NDUFA5: variants seen among roughly 807,000 people sequenced by gnomAD.
NDUFA5 encodes the protein NADH:ubiquinone oxidoreductase subunit A5.
A neutral mutation model predicts 19.8 loss-of-function variants in NDUFA5; 11 were observed. That is an observed-to-expected ratio of 0.56 (90% confidence interval 0.35 to 0.92). NDUFA5 has a LOEUF of 0.92. Among genes scored for constraint, NDUFA5 ranks in the 40% least tolerant of loss-of-function variants. The pLI is 0.01. For missense variants in NDUFA5, 109 were observed against 134.2 expected (o/e 0.81, Z 0.93); for synonymous variants, 47 against 46.8 (o/e 1.00, Z -0.01).
the NDUFA5 span, chr7:123,596,401 T>C: frequency 6.6e-5 from 10 of 151,588 alleles, no homozygotes; most frequent in African/African-American, 2.4e-4. Flanking sequence ...AACTCAGGAG[T>C]TTGAAACCAG....
the NDUFA5 span, among the ~76,000 whole-genome samples, chr7:123,570,004 C>T: frequency 6.7e-6 from 1 of 149,640 alleles, no homozygotes. Flanking sequence ...TCAACAATAC[C>T]TAAAGTTTAC....
At chr7:123,586,553 A>T in the NDUFA5 span, among the ~76,000 whole-genome samples, 1 of 151,590 alleles carries the variant, frequency 6.6e-6, no homozygotes, top group Non-Finnish European at 1.5e-5. Flanking sequence ...AACTTTTAAA[A>T]TTTGATTTGC....
intron 2 of NDUFA5, 113 bp from the exon 3 acceptor site, chr7:123,550,699 C>CTT: frequency 3.4e-5 from 16 of 469,536 alleles, no homozygotes; most frequent in East Asian, 4.0e-5. Context: ...TTTTTTTTTG[C>CTT]TTTTTTTTTT....
chr7:123,557,025 G>A (rs754362387), intron 2 of NDUFA5: 1 of 487,054 alleles, frequency 2.1e-6, no homozygotes, highest in Admixed American at 2.3e-5. Flanking sequence ...GAAGGAAAAG[G>A]GGGCAGTACC....
the NDUFA5 span, among the ~76,000 whole-genome samples, chr7:123,589,664 G>T: frequency 1.1e-4 from 17 of 151,988 alleles, no homozygotes; most frequent in African/African-American, 3.9e-4. Flanking sequence ...CCTTTTTTAT[G>T]GCTGCATAGT....
In NDUFA5 at chr7:123,537,493, T is replaced by C. The variant is rs920696434; in HGVS notation, c.*4626A>G. 1 of 152,170 alleles carries C rather than the reference T, an allele frequency of 6.6e-6. No individual in the cohort carries two copies. The highest frequency in any genetic ancestry group is 6.5e-5 in the Admixed American group (1 of 15,278). The allele number at this position is 152,170 out of a possible 1,614,324, so 9.4% of individuals were successfully genotyped here. The stretch of plus-strand genomic sequence containing the variant: ...TGAAACCTTTTAAGACAGATGTGTT[T>C]GATATTCACAATTTTTCAGATTTTT... On this transcript the variant is annotated 3_prime_UTR_variant, in exon 5 of 5. Coordinates refer to ENST00000355749, the MANE Select transcript of NDUFA5 (RefSeq NM_005000.5).
chr7:123,543,843 C>G (rs940328369), intron 4 of NDUFA5, among the ~76,000 whole-genome samples: 5 of 152,076 alleles, frequency 3.3e-5, no homozygotes, highest in African/African-American at 7.2e-5. Flanking sequence ...CACAGCCAAC[C>G]TGACGAATAT....
At chr7:123,556,719 A>G in intron 2 of NDUFA5, 1 of 392,936 alleles carries the variant, frequency 2.5e-6, no homozygotes, top group Non-Finnish European at 4.8e-6. Flanking sequence ...TGATGGAAAA[A>G]GTGTCAAATG....
rs375592160 is a variant in NDUFA5, at chr7:123,550,498, G to A, written c.155C>T (p.Thr52Ile). The A allele has an allele frequency of 1.3e-5, 21 of 1,607,744 alleles. No individual in the cohort carries two copies. The highest frequency in any genetic ancestry group is 2.0e-4 in the Middle Eastern group (1 of 5,034). The change falls in exon 3 of 5, where the codon ACA becomes ATA. Residue 52 changes from threonine (T) to isoleucine (I), a missense_variant. Transcript: ENST00000355749. ...AAYRKYTEQI[T>I]NEKLAMVKAE... ...TTTAACCATAGCCAGCTTCTCATTT[G>A]TAATCTGTTCTGTATACTTTCTATA...
intron 2 of NDUFA5, chr7:123,555,504 T>C (rs1208835037): frequency 6.6e-6 from 1 of 152,184 alleles, no homozygotes; most frequent in Non-Finnish European, 1.5e-5. Flanking sequence ...ATACCAACTA[T>C]GATGTCCAAA....
At chr7:123,580,205 C>T in the NDUFA5 span, among the ~76,000 whole-genome samples, 16 of 151,928 alleles carry the variant, frequency 1.1e-4, no homozygotes, top group East Asian at 1.9e-4. Context: ...AAGAACCCAG[C>T]GAAAGGATGC....
intron 3 of NDUFA5, among the ~76,000 whole-genome samples, chr7:123,547,765 A>C (rs900692248): frequency 6.6e-6 from 1 of 152,194 alleles, no homozygotes; most frequent in African/African-American, 2.4e-5. Flanking sequence ...TTAGGTGAAC[A>C]GTTCAAAATT....
At chr7:123,581,692 T>G in the NDUFA5 span, among the ~76,000 whole-genome samples, 1 of 151,954 alleles carries the variant, frequency 6.6e-6, no homozygotes, top group East Asian at 1.9e-4. Context: ...TGATTCCTAC[T>G]AGATAGTAGG....
At chr7:123,549,494 C>T (rs1436745487) in intron 3 of NDUFA5, among the ~76,000 whole-genome samples, 1 of 152,092 alleles carries the variant, frequency 6.6e-6, no homozygotes, top group Non-Finnish European at 1.5e-5. Flanking sequence ...ATAGGTGAGG[C>T]ACCGGGTGCA....
chr7:123,563,871 T>C, the NDUFA5 span, among the ~76,000 whole-genome samples: 1 of 152,136 alleles, frequency 6.6e-6, no homozygotes, highest in East Asian at 1.9e-4. Flanking sequence ...TATGTTTAGA[T>C]GCCACATCAT....
upstream of NDUFA5, among the ~76,000 whole-genome samples, chr7:123,562,648 G>T (rs990565190): frequency 2.0e-5 from 3 of 152,072 alleles, no homozygotes; most frequent in Non-Finnish European, 4.4e-5. Context: ...CCTCTCTTAG[G>T]CTTCATAGTG....
chr7:123,594,012 G>C, the NDUFA5 span, among the ~76,000 whole-genome samples: 1 of 151,602 alleles, frequency 6.6e-6, no homozygotes, highest in African/African-American at 2.4e-5. Flanking sequence ...TTGTCTTCTC[G>C]CTTTATTTCA....
At chr7:123,588,136 A>T in the NDUFA5 span, among the ~76,000 whole-genome samples, 1 of 151,962 alleles carries the variant, frequency 6.6e-6, no homozygotes, top group East Asian at 1.9e-4. Flanking sequence ...GTTTGAAAAA[A>T]TTCAAAAGTG....
rs1411117236 is a variant in NDUFA5, at chr7:123,540,788, T to G, written c.*1331A>C. On this transcript the variant is annotated 3_prime_UTR_variant, in exon 5 of 5. Coordinates refer to ENST00000355749, the MANE Select transcript of NDUFA5 (RefSeq NM_005000.5). ...TCTAAGAATCCACCTTATTTAATAT[T>G]TATTTAGTATTCATGTTACAGCTCT... 5.9e-5 allele frequency: 9 copies of G among 151,960 alleles called. No individual in the cohort carries two copies. Among genetic ancestry groups the G allele is most frequent in the Non-Finnish European group, 1.3e-4 (9 of 68,006 alleles). The allele number at this position is 151,960 out of a possible 1,614,324, so 9.4% of individuals were successfully genotyped here. A position where few individuals can be genotyped will look rare whatever the true frequency, so the allele number is the denominator to read the frequency against.
Sources: gnomAD v4.1 joint callset for allele counts (sites outside exome capture counted in the v4.1 genomes callset) on GRCh38, gnomAD v4.1.1 for gene constraint, MANE v1.5 for transcripts, NCBI Gene and HGNC (gene_info 2026-07-23, HGNC 2026-07-21) for gene names.